BTK: variants seen among roughly 807,000 people sequenced by gnomAD.
The protein encoded by BTK is Bruton tyrosine kinase.
In BTK, 5 loss-of-function variants were observed where a neutral mutation model predicts 57.4. That is an observed-to-expected ratio of 0.09 (90% CI 0.05 to 0.18). The LOEUF (loss-of-function observed/expected upper bound fraction) is 0.18, where lower values mean the gene tolerates loss of function less well. Ranked by LOEUF, BTK falls within the 10% of genes least tolerant of loss-of-function variation. BTK has a pLI of 1.00. For synonymous variants in BTK, 154 were observed against 174.3 expected, an observed-to-expected ratio of 0.88 and a Z score of 0.92; for missense variants, 194 against 501.2, an observed-to-expected ratio of 0.39 and a Z score of 5.85.
At chrX:101,352,997 C>T (rs781827042) in intron 18 of BTK, 197 bp downstream of exon 18, 2 of 408,715 alleles carry the variant, frequency 4.9e-6, no homozygotes, top group South Asian at 4.0e-5. Flanking sequence ...ATCTGGGAGG[C>T]GAAGGTTGCA....
At chrX:101,367,585 G>A (rs1926898110) in intron 5 of BTK, among the ~76,000 whole-genome samples, 1 of 109,302 alleles carries the variant, frequency 9.1e-6, no homozygotes, top group Non-Finnish European at 1.9e-5. Context: ...GCAGTGAGCC[G>A]AGATCGTGCC....
intron 1 of BTK, among the ~76,000 whole-genome samples, chrX:101,384,106 G>A (rs1927538459): frequency 1.8e-5 from 2 of 111,661 alleles, no homozygotes; most frequent in South Asian, 3.7e-4. Context: ...TTTGGAGAAC[G>A]CCCAAACTTT....
intron 3 of BTK, among the ~76,000 whole-genome samples, chrX:101,372,926 A>G (rs2147446044): frequency 9.3e-6 from 1 of 107,390 alleles, no homozygotes; most frequent in Admixed American, 1.0e-4. Context: ...TCTACTAAAA[A>G]TACAAAAATT....
chrX:101,374,893 T>G lies in BTK; in HGVS notation c.141+251A>C, dbSNP rs189021658. On this transcript the variant is annotated intron_variant, in intron 2 of 18. Coordinates refer to ENST00000308731, the MANE Select transcript of BTK (RefSeq NM_000061.3). ...AATTTCCAACTCTTCGATTTCATTT[T>G]CAACAATCATTTAATGAGTGCTCAT... 5.9e-3 allele frequency among the ~76,000 whole-genome samples: 661 copies of G among 112,077 alleles called. 2 individuals carry two copies. Among genetic ancestry groups the G allele is most frequent in the Non-Finnish European group, 9.1e-3 (482 of 53,199 alleles).
Position 101,382,500 on chromosome X carries a change from C to T in BTK, c.-31+3562G>A, listed in dbSNP as rs912125546. On this transcript the variant is annotated intron_variant, in intron 1 of 18. Transcript: ENST00000308731. ...CACCATGACACCTGCCTCGGCCTCC[C>T]AAAATGCTGGGATTACAGGCTTGAG... 2.7e-5 allele frequency among the ~76,000 whole-genome samples: 3 copies of T among 110,359 alleles called. No individual in the cohort carries two copies. In the Admixed American group the frequency reaches 2.9e-4, roughly 11 times the overall value.
intron 5 of BTK, among the ~76,000 whole-genome samples, chrX:101,364,420 AAAAAG>A (rs375924318): frequency 0.099 from 10,520 of 106,034 alleles, 561 homozygotes; most frequent in South Asian, 0.21. Flanking sequence ...AAAAAAAAAA[AAAAAG>A]AAAAGAAAAA....
Position 101,375,845 on chromosome X carries a change from A to G in BTK, c.-30-531T>C, listed in dbSNP as rs138334553. On this transcript the variant is annotated intron_variant, in intron 1 of 18. Transcript: ENST00000308731. ...ACCAAGGGAACTAATAAGGATATGG[A>G]GGCTGCACCTGCAGTTCTGGACACA... is the stretch of plus-strand genomic sequence containing the variant. Among the ~76,000 whole-genome samples the G allele has an allele frequency of 7.3e-3, 816 of 111,976 alleles. 8 individuals carry two copies. Among genetic ancestry groups the G allele is most frequent in the African/African-American group, 0.024 (753 of 30,823 alleles).
chrX:101,357,636 C>A, intron 12 of BTK, 53 bp from the exon 13 acceptor site: 5 of 927,439 alleles, frequency 5.4e-6, no homozygotes, highest in Non-Finnish European at 7.9e-6. Context: ...GGTGGGATGC[C>A]TCACACATCC....
intron 1 of BTK, among the ~76,000 whole-genome samples, chrX:101,376,566 G>A (rs1927220231): frequency 9.0e-6 from 1 of 111,592 alleles, no homozygotes; most frequent in Admixed American, 9.6e-5. Flanking sequence ...GGCGGAGGTT[G>A]CAGTGAGCCG....
Position 101,354,698 on chromosome X carries a change from T to A in BTK, c.1567-4A>T. The A allele has an allele frequency of 8.3e-7, 1 of 1,210,450 alleles. No homozygotes were observed. The highest frequency in any genetic ancestry group is 1.1e-6 in the Non-Finnish European group (1 of 894,428). The stretch of plus-strand genomic sequence containing the variant: ...TTACCAAACAGTTTCGAGCTGCCTG[T>A]AGTGCAAACAGAGACCAGTGAGACT... On this transcript the variant is annotated splice_region_variant and splice_polypyrimidine_tract_variant and intron_variant, in intron 15 of 18. Coordinates refer to ENST00000308731, the MANE Select transcript of BTK (RefSeq NM_000061.3).
chrX:101,377,133 C>T (rs115668855), intron 1 of BTK, among the ~76,000 whole-genome samples: 1,572 of 111,250 alleles, frequency 0.014, 30 homozygotes, highest in African/African-American at 0.048. Flanking sequence ...TGCCACACAC[C>T]CTGACTCCCT....
upstream of BTK, among the ~76,000 whole-genome samples, chrX:101,390,197 T>C: frequency 8.9e-6 from 1 of 112,044 alleles, no homozygotes; most frequent in African/African-American, 3.2e-5. Context: ...ATTTAAAATG[T>C]TTAGCACCCT....
rs782264410 is a variant in BTK, at chrX:101,360,112, G to C, written c.815C>G (p.Ala272Gly). 8 of 1,205,047 alleles carry C rather than the reference G, an allele frequency of 6.6e-6. No homozygotes were observed. The highest frequency in any genetic ancestry group is 1.8e-5 in the African/African-American group (1 of 57,054). Residue 272 changes from alanine to glycine, a missense_variant, in exon 9 of 19, where the codon GCA becomes GGA. Physicochemically the swap from Ala to Gly is moderately conservative, Grantham distance 60. Transcript: ENST00000308731. ...GYIPSNYVTE[A>G]EDSIEMYEWY... ...CTCATACATTTCTATGGAGTCTTCTGCTTCAGTGACATAGTTACTAGGAAT... is the reference window on the plus strand; with the variant it reads ...CTCATACATTTCTATGGAGTCTTCTCCTTCAGTGACATAGTTACTAGGAAT...
Position 101,374,522 on chromosome X carries a change from T to C in BTK, c.240+14A>G, listed in dbSNP as rs1927142169. ...ATCTGCTGTTCCCCATCTCAGACAT[T>C]GGTCTCTTCTTACCGGAATCTGTCT... On this transcript the variant is annotated intron_variant, in intron 3 of 18. Transcript: ENST00000308731. The C allele has an allele frequency of 1.0e-5, 12 of 1,184,655 alleles. No homozygotes were observed. The highest frequency in any genetic ancestry group is 1.4e-5 in the Non-Finnish European group (12 of 871,805).
At chrX:101,390,558 T>C, upstream of BTK, 4 of 515,341 alleles carry the variant, frequency 7.8e-6, no homozygotes, top group Non-Finnish European at 1.4e-5. Flanking sequence ...ATGTGATAGA[T>C]GAACTGGAAC....
chrX:101,379,413 G>C (rs7050436), intron 1 of BTK, among the ~76,000 whole-genome samples: 24,086 of 110,757 alleles, frequency 0.22, 2,395 homozygotes, highest in South Asian at 0.4. Context: ...TCCTTAGGGG[G>C]ATGGAATGGA....
intron 1 of BTK, among the ~76,000 whole-genome samples, chrX:101,379,914 C>T (rs1555981546): frequency 8.9e-6 from 1 of 111,783 alleles, no homozygotes. Flanking sequence ...GCCAGGTTTT[C>T]TTACATTTTC....
At chrX:101,352,787 T>C (rs1435558589) in intron 18 of BTK, among the ~76,000 whole-genome samples, 1 of 110,089 alleles carries the variant, frequency 9.1e-6, no homozygotes, top group Non-Finnish European at 1.9e-5. Context: ...TAGTCCCAGC[T>C]ACTCGGGAGG....
intron 4 of BTK, among the ~76,000 whole-genome samples, chrX:101,371,333 C>T (rs1334190938): frequency 8.9e-6 from 1 of 112,363 alleles, no homozygotes; most frequent in Non-Finnish European, 1.9e-5. Flanking sequence ...GAAATGCTCA[C>T]TCAACAAGCA....
Sources: allele counts gnomAD v4.1 joint callset (sites outside exome capture counted in the v4.1 genomes callset), GRCh38; gene constraint gnomAD v4.1.1; transcripts MANE v1.5; gene names NCBI Gene and HGNC (gene_info 2026-07-23, HGNC 2026-07-21).